MAML3: variants seen among roughly 807,000 people sequenced by gnomAD.
MAML3 encodes the protein mastermind-like protein 3.
MAML3 carries 27 observed loss-of-function variants against 101.9 expected under a neutral mutation model. That is an observed-to-expected ratio of 0.27 (90% CI 0.20 to 0.37). The LOEUF (loss-of-function observed/expected upper bound fraction) is 0.37. Among genes scored for constraint, MAML3 ranks in the 10% least tolerant of loss-of-function variants. The probability of loss-of-function intolerance (pLI) is 1.00; values close to 1 mark genes in which losing one functional copy is unlikely to be tolerated. For synonymous variants in MAML3, 501 were observed against 555.9 expected, an observed-to-expected ratio of 0.90 and a Z score of 1.39; for missense variants, 1,316 against 1,444.9, an observed-to-expected ratio of 0.91 and a Z score of 1.45.
chr4:139,996,205 A>G (rs1734809425), intron 1 of MAML3, among the ~76,000 whole-genome samples: 2 of 152,320 alleles, frequency 1.3e-5, no homozygotes, highest in Non-Finnish European at 2.9e-5. Flanking sequence ...TGTGCATTTG[A>G]AAAGAATGTA....
intron 2 of MAML3, among the ~76,000 whole-genome samples, chr4:139,882,827 C>T (rs938360270): frequency 4.6e-5 from 7 of 152,188 alleles, no homozygotes; most frequent in Admixed American, 2.0e-4. Flanking sequence ...CCAGCCTGGG[C>T]GATGGAGCGA....
chr4:140,064,161 C>T (rs1727493193), intron 1 of MAML3, among the ~76,000 whole-genome samples: 1 of 152,172 alleles, frequency 6.6e-6, no homozygotes, highest in Admixed American at 6.5e-5. Flanking sequence ...TATTTAATCA[C>T]ATAAATGGGC....
Position 139,719,080 on chromosome 4 carries a change from T to G in MAML3, c.*243A>C. 2.1e-6 allele frequency: 1 copy of G among 485,776 alleles called. No homozygotes were observed. Among genetic ancestry groups the G allele is most frequent in the Non-Finnish European group, 3.6e-6 (1 of 278,276 alleles). 30.1% of individuals were successfully genotyped at this position (485,776 alleles called of 1,614,324 possible). ...ATCTTCCCACCTGCTCCTCCGGGTGTCTCCCTCTCTCGCAGCCGGGATCTG... is the reference window on the plus strand; with the variant it reads ...ATCTTCCCACCTGCTCCTCCGGGTGGCTCCCTCTCTCGCAGCCGGGATCTG... On this transcript the variant is annotated 3_prime_UTR_variant, in exon 5 of 5. Transcript: ENST00000509479.
At chr4:140,071,904 GT>G (rs377121655) in intron 1 of MAML3, among the ~76,000 whole-genome samples, 2 of 152,240 alleles carry the variant, frequency 1.3e-5, no homozygotes, top group African/African-American at 4.8e-5. Flanking sequence ...CTGGTGTGGG[GT>G]GCAAGAATGT....
At chr4:140,004,487 A>C (rs1726408518) in intron 1 of MAML3, among the ~76,000 whole-genome samples, 1 of 152,128 alleles carries the variant, frequency 6.6e-6, no homozygotes, top group African/African-American at 2.4e-5. Flanking sequence ...ACTTCACCTA[A>C]ATGATCTCAA....
Position 139,717,408 on chromosome 4 carries a change from A to G in MAML3, c.*1915T>C, listed in dbSNP as rs1206397293. 6.6e-6 allele frequency: 1 copy of G among 151,998 alleles called. No homozygotes were observed. The highest frequency in any genetic ancestry group is 1.5e-5 in the Non-Finnish European group (1 of 68,008). The allele number at this position is 151,998 out of a possible 1,614,324, so 9.4% of individuals were successfully genotyped here. A position where few individuals can be genotyped will look rare whatever the true frequency, so the allele number is the denominator to read the frequency against. The stretch of plus-strand genomic sequence containing the variant: ...TTTTTTGGTTTCATCTCTTTGATCC[A>G]CTCAGTTTCCCCAGTGGCATCACTC... On this transcript the variant is annotated 3_prime_UTR_variant, in exon 5 of 5. Transcript: ENST00000509479.
intron 1 of MAML3, among the ~76,000 whole-genome samples, chr4:140,139,032 G>A (rs193045686): frequency 3.3e-5 from 5 of 152,304 alleles, no homozygotes; most frequent in Admixed American, 2.0e-4. Context: ...AACACTTTGA[G>A]AGGCCAAGGC....
intron 2 of MAML3, among the ~76,000 whole-genome samples, chr4:139,797,155 T>C (rs1730524666): frequency 6.6e-6 from 1 of 152,194 alleles, no homozygotes; most frequent in Admixed American, 6.5e-5. Context: ...CATGTGAAAC[T>C]TGTTTTACAG....
chr4:140,059,590 T>C (rs1727409469), intron 1 of MAML3, among the ~76,000 whole-genome samples: 1 of 152,156 alleles, frequency 6.6e-6, no homozygotes, highest in Non-Finnish European at 1.5e-5. Context: ...AAGAAATGCA[T>C]AAAGAAATGG....
chr4:139,872,225 T>A (rs1450873546), intron 2 of MAML3, among the ~76,000 whole-genome samples: 3 of 152,212 alleles, frequency 2.0e-5, no homozygotes, highest in African/African-American at 7.2e-5. Flanking sequence ...AAAAATTTTT[T>A]AATCCAGCTT....
chr4:139,988,987 T>C (rs1046599393), intron 1 of MAML3, among the ~76,000 whole-genome samples: 6 of 152,184 alleles, frequency 3.9e-5, no homozygotes, highest in Non-Finnish European at 8.8e-5. Context: ...GACTGCTCAC[T>C]GTTGAACCTG....
chr4:139,857,068 C>A (rs757457489), intron 2 of MAML3, among the ~76,000 whole-genome samples: 12 of 152,138 alleles, frequency 7.9e-5, no homozygotes, highest in Non-Finnish European at 8.8e-5. Context: ...ATAAATTCCA[C>A]CCAAAGCAAA....
chr4:139,729,530 A>C (rs1728617962), intron 3 of MAML3, among the ~76,000 whole-genome samples: 1 of 152,188 alleles, frequency 6.6e-6, no homozygotes, highest in Non-Finnish European at 1.5e-5. Context: ...AGGCAGACTT[A>C]TGTTGGGCCT....
intron 1 of MAML3, among the ~76,000 whole-genome samples, chr4:140,117,165 A>T (rs995273578): frequency 2.6e-5 from 4 of 152,184 alleles, no homozygotes; most frequent in African/African-American, 9.7e-5. Context: ...GTCTTATTAC[A>T]AGCAAAATCC....
intron 1 of MAML3, among the ~76,000 whole-genome samples, chr4:139,936,294 CGATG>C (rs1336417946): frequency 1.3e-5 from 2 of 152,094 alleles, no homozygotes; most frequent in African/African-American, 4.8e-5. Context: ...ATTCATCAGT[CGATG>C]GATACTTAAG....
At chr4:139,748,309 C>G (rs1453390590) in intron 2 of MAML3, among the ~76,000 whole-genome samples, 2 of 152,094 alleles carry the variant, frequency 1.3e-5, no homozygotes, top group Non-Finnish European at 2.9e-5. Flanking sequence ...CACCAAGATG[C>G]CTATCACTTT....
chr4:140,104,382 TA>T (rs1204317771), intron 1 of MAML3, among the ~76,000 whole-genome samples: 5 of 39,898 alleles, frequency 1.3e-4, no homozygotes, highest in Admixed American at 3.2e-4. Flanking sequence ...ATATAATATA[TA>T]TATATTATAT....
chr4:139,905,498 A>AAAAAAAG (rs1732808320), intron 1 of MAML3, among the ~76,000 whole-genome samples: 1 of 151,550 alleles, frequency 6.6e-6, no homozygotes, highest in African/African-American at 2.4e-5. Context: ...TCTCAAAAAA[A>AAAAAAAG]AAAAAAAAAA....
chr4:139,866,477 C>G (rs369206652), intron 2 of MAML3, among the ~76,000 whole-genome samples: 1 of 152,178 alleles, frequency 6.6e-6, no homozygotes, highest in African/African-American at 2.4e-5. Flanking sequence ...CAGTCACCGA[C>G]AGAAGGCAGT....
Sources: allele counts gnomAD v4.1 joint callset (sites outside exome capture counted in the v4.1 genomes callset), GRCh38; gene constraint gnomAD v4.1.1; transcripts MANE v1.5; gene names NCBI Gene and HGNC (gene_info 2026-07-23, HGNC 2026-07-21).